ELAPOR2: variants seen among roughly 807,000 people sequenced by gnomAD.
The protein encoded by ELAPOR2 is endosome-lysosome associated apoptosis and autophagy regulator family member 2, also known as endosome/lysosome-associated apoptosis and autophagy regulator family member 2.
ELAPOR2 carries 89 observed loss-of-function variants against 120.7 expected under a neutral mutation model. That is an observed-to-expected ratio of 0.74 (90% CI 0.62 to 0.88). The LOEUF (loss-of-function observed/expected upper bound fraction) is 0.88, where lower values mean the gene tolerates loss of function less well. ELAPOR2 is among the 40% of genes least tolerant of loss of function. The pLI is 0.00. For synonymous variants in ELAPOR2, 444 were observed against 444.9 expected (o/e 1.00, Z 0.03); for missense variants, 1,134 against 1,251.6 (o/e 0.91, Z 1.42).
chr7:87,029,071 A>T, intron 1 of ELAPOR2, among the ~76,000 whole-genome samples: 1 of 152,126 alleles, frequency 6.6e-6, no homozygotes, highest in East Asian at 1.9e-4. Flanking sequence ...ACACATCCCT[A>T]TACCCTCAGC....
chr7:87,052,718 G>A (rs752713349), intron 1 of ELAPOR2, among the ~76,000 whole-genome samples: 16 of 152,284 alleles, frequency 1.1e-4, no homozygotes, highest in East Asian at 3.9e-4. Flanking sequence ...CTTCCAACTC[G>A]AGTTGTAAAC....
intron 1 of ELAPOR2, among the ~76,000 whole-genome samples, chr7:87,028,593 C>G (rs537749543): frequency 1.1e-4 from 17 of 152,214 alleles, no homozygotes; most frequent in Middle Eastern, 6.8e-3. Context: ...ACACCTAACA[C>G]CTTAATCTAA....
intron 18 of ELAPOR2, among the ~76,000 whole-genome samples, chr7:86,900,081 T>C (rs1788645860): frequency 6.6e-6 from 1 of 152,126 alleles, no homozygotes; most frequent in Non-Finnish European, 1.5e-5. Flanking sequence ...ATAGCAAAAG[T>C]GCTCTCCTGT....
chr7:86,934,767 T>C (rs1562930686), intron 8 of ELAPOR2, among the ~76,000 whole-genome samples: 1 of 151,978 alleles, frequency 6.6e-6, no homozygotes, highest in Non-Finnish European at 1.5e-5. Flanking sequence ...CTGATGTACA[T>C]AATGGCCCTT....
intron 1 of ELAPOR2, among the ~76,000 whole-genome samples, chr7:86,995,408 G>A (rs1634995): frequency 0.38 from 57,552 of 151,984 alleles, 11,746 homozygotes; most frequent in African/African-American, 0.53. Flanking sequence ...GTAGTTAGCC[G>A]AATTCTAGTT....
At position 87,012,770 on chromosome 7, in the gene ELAPOR2, G is replaced by C. The variant is rs1284619136; in HGVS notation, c.189+46555C>G. 5.3e-5 allele frequency among the ~76,000 whole-genome samples: 8 copies of C among 152,168 alleles called. 1 individual carries two copies. Among genetic ancestry groups the C allele is most frequent in the African/African-American group, 1.4e-4 (6 of 41,438 alleles). ...CTTGAATGAACAAAGTATAACAAAA[G>C]TCATATCTTCCATGGGTCCTTTGGC... On this transcript the variant is annotated intron_variant, in intron 1 of 21. Coordinates refer to ENST00000450689, the MANE Select transcript of ELAPOR2 (RefSeq NM_001142749.3).
At position 86,893,096 on chromosome 7, in the gene ELAPOR2, G is replaced by T; in HGVS notation, c.2690C>A (p.Thr897Asn). ...EGACKRGFQE[T>N]LYVWNEPKWC... ...TTTAGGTTCATTCCACACATACAAG[G>T]TTTCCTTTAAAAAAAAAAACATAAA... Residue 897 changes from threonine to asparagine, a missense_variant, in exon 20 of 22, where the codon ACC becomes AAC. By Grantham distance (65) the Thr-to-Asn change is moderately conservative. Around this residue, in one of 3 missense-constraint regions of ELAPOR2, gnomAD observed 831 missense variants for 867.6 expected, o/e 0.96. Transcript: ENST00000450689. 6.6e-6 allele frequency: 10 copies of T among 1,526,220 alleles called. No individual in the cohort carries two copies. The highest frequency in any genetic ancestry group is 8.7e-6 in the Non-Finnish European group (10 of 1,148,214). 94.5% of individuals were successfully genotyped at this position (1,526,220 alleles called of 1,614,324 possible). A position where few individuals can be genotyped will look rare whatever the true frequency, so the allele number is the denominator to read the frequency against.
At chr7:87,004,829 A>C (rs1000119616) in intron 1 of ELAPOR2, among the ~76,000 whole-genome samples, 1 of 152,132 alleles carries the variant, frequency 6.6e-6, no homozygotes, top group Non-Finnish European at 1.5e-5. Flanking sequence ...AATGATCTAC[A>C]ACTTTAAGTA....
intron 10 of ELAPOR2, among the ~76,000 whole-genome samples, chr7:86,921,280 G>A (rs117763442): frequency 0.028 from 4,217 of 152,228 alleles, 80 homozygotes; most frequent in Non-Finnish European, 0.044. Context: ...ATTAAGATGA[G>A]GTTATAAGGA....
chr7:87,024,944 C>A (rs1299573560), intron 1 of ELAPOR2, among the ~76,000 whole-genome samples: 1 of 151,400 alleles, frequency 6.6e-6, no homozygotes, highest in Non-Finnish European at 1.5e-5. Context: ...CAAGTATCAC[C>A]CATGCCTGCC....
In ELAPOR2 at chr7:86,879,414, T is replaced by C. The variant is rs907703717; in HGVS notation, c.*1057A>G. On this transcript the variant is annotated 3_prime_UTR_variant, in exon 22 of 22. Coordinates refer to ENST00000450689, the MANE Select transcript of ELAPOR2 (RefSeq NM_001142749.3). ...ACAATTATATGTAATTTTTCAAAACTGAATTCCTGCCTTATTGGATTATTT... is the reference window on the plus strand; with the variant it reads ...ACAATTATATGTAATTTTTCAAAACCGAATTCCTGCCTTATTGGATTATTT... The C allele has an allele frequency of 1.3e-5, 2 of 152,214 alleles. No homozygotes were observed. The highest frequency in any genetic ancestry group is 4.8e-5 in the African/African-American group (2 of 41,476). 9.4% of individuals were successfully genotyped at this position (152,214 alleles called of 1,614,324 possible). A position where few individuals can be genotyped will look rare whatever the true frequency, so the allele number is the denominator to read the frequency against.
chr7:86,974,355 C>G (rs894811100), intron 1 of ELAPOR2, among the ~76,000 whole-genome samples: 2 of 151,846 alleles, frequency 1.3e-5, no homozygotes, highest in African/African-American at 4.8e-5. Flanking sequence ...GCATGTAATC[C>G]AAGGAAGCCA....
intron 1 of ELAPOR2, among the ~76,000 whole-genome samples, chr7:87,004,676 T>G (rs924661435): frequency 6.6e-6 from 1 of 152,102 alleles, no homozygotes; most frequent in Non-Finnish European, 1.5e-5. Flanking sequence ...ACTATCAAGG[T>G]CACATGCTGG....
intron 1 of ELAPOR2, among the ~76,000 whole-genome samples, chr7:87,024,609 C>G (rs1284991455): frequency 6.6e-6 from 1 of 152,074 alleles, no homozygotes; most frequent in East Asian, 1.9e-4. Flanking sequence ...CCCTCTTTTT[C>G]TATTGATTGG....
intron 21 of ELAPOR2, chr7:86,891,407 C>T (rs1788154791): frequency 4.9e-6 from 1 of 204,136 alleles, no homozygotes; most frequent in African/African-American, 2.3e-5. Context: ...TGTTTTCACT[C>T]TATCTTGGAC....
At position 86,879,727 on chromosome 7, in the gene ELAPOR2, G is replaced by C. The variant is rs1319720968; in HGVS notation, c.*744C>G. On this transcript the variant is annotated 3_prime_UTR_variant, in exon 22 of 22. Coordinates refer to ENST00000450689, the MANE Select transcript of ELAPOR2 (RefSeq NM_001142749.3). ...TCATTTGACTTCTATGATACTAGCA[G>C]CTAGTTTGCATTAATGGAGAATTAG... is the stretch of plus-strand genomic sequence containing the variant. 3 of 152,158 alleles carry C rather than the reference G, an allele frequency of 2.0e-5. No individual in the cohort carries two copies. The highest frequency in any genetic ancestry group is 2.9e-5 in the Non-Finnish European group (2 of 68,032). 9.4% of individuals were successfully genotyped at this position (152,158 alleles called of 1,614,324 possible). A position where few individuals can be genotyped will look rare whatever the true frequency, so the allele number is the denominator to read the frequency against.
chr7:87,019,826 T>A (rs1222014178), intron 1 of ELAPOR2, among the ~76,000 whole-genome samples: 2 of 152,170 alleles, frequency 1.3e-5, no homozygotes, highest in African/African-American at 4.8e-5. Flanking sequence ...GTATTCTATA[T>A]AAAGGGATAT....
At chr7:87,008,659 T>G (rs1350081634) in intron 1 of ELAPOR2, among the ~76,000 whole-genome samples, 1 of 152,218 alleles carries the variant, frequency 6.6e-6, no homozygotes, top group Non-Finnish European at 1.5e-5. Context: ...CCTCCCAAAG[T>G]GTTGGGATTA....
At chr7:86,894,873 G>A (rs1244586444) in intron 19 of ELAPOR2, among the ~76,000 whole-genome samples, 1 of 151,990 alleles carries the variant, frequency 6.6e-6, no homozygotes, top group African/African-American at 2.4e-5. Flanking sequence ...TAGAAGTAAT[G>A]CTTAATACAC....
Sources: gnomAD v4.1 joint callset for allele counts (sites outside exome capture counted in the v4.1 genomes callset) on GRCh38, gnomAD v4.1.1 for gene constraint, gnomAD v4.1.1 regional missense constraint, MANE v1.5 for transcripts, NCBI Gene and HGNC (gene_info 2026-07-23, HGNC 2026-07-21) for gene names.